Variants in TCF4 observed in about 807,000 individuals in gnomAD.
TCF4 encodes the protein transcription factor 4.
A neutral mutation model predicts 82.1 loss-of-function variants in TCF4; 3 were observed. That is an observed-to-expected ratio of 0.04 (90% confidence interval 0.02 to 0.09). The LOEUF (loss-of-function observed/expected upper bound fraction) is 0.09, where lower values mean the gene tolerates loss of function less well. TCF4 is among the 10% of genes least tolerant of loss of function. TCF4 has a pLI of 1.00. For synonymous variants in TCF4, 276 were observed against 309.6 expected (o/e 0.89, Z 1.14); for missense variants, 518 against 852.7 (o/e 0.61, Z 4.89).
chr18:55,511,546 AAC>A (rs1432539640), intron 3 of TCF4, among the ~76,000 whole-genome samples: 1 of 152,138 alleles, frequency 6.6e-6, no homozygotes, highest in Non-Finnish European at 1.5e-5. Context: ...GTACTTTAAC[AAC>A]AGAGTTCTAA....
At chr18:55,237,053 G>A (rs772521524) in intron 15 of TCF4, among the ~76,000 whole-genome samples, 4 of 152,172 alleles carry the variant, frequency 2.6e-5, no homozygotes, top group Non-Finnish European at 5.9e-5. Context: ...ATCACATTGA[G>A]GTAAGTTCTC....
chr18:55,486,479 C>A (rs2096516744), intron 3 of TCF4, among the ~76,000 whole-genome samples: 1 of 152,144 alleles, frequency 6.6e-6, no homozygotes. Flanking sequence ...GTAATCCCAG[C>A]CACTCAGGAG....
chr18:55,426,547 C>A (rs2094991082), intron 5 of TCF4, among the ~76,000 whole-genome samples: 1 of 152,066 alleles, frequency 6.6e-6, no homozygotes, highest in Non-Finnish European at 1.5e-5. Context: ...CCTTTGCTGC[C>A]CATAGGCATC....
At chr18:55,628,742 C>A (rs1011862285) in intron 2 of TCF4, among the ~76,000 whole-genome samples, 1 of 152,118 alleles carries the variant, frequency 6.6e-6, no homozygotes, top group Non-Finnish European at 1.5e-5. Flanking sequence ...TAAAATATTT[C>A]GATCAATTTC....
At chr18:55,421,303 G>C (rs1199497452) in intron 5 of TCF4, among the ~76,000 whole-genome samples, 1 of 152,152 alleles carries the variant, frequency 6.6e-6, no homozygotes, top group African/African-American at 2.4e-5. Flanking sequence ...AACCCCAAGA[G>C]TTTAACAAGG....
intron 5 of TCF4, among the ~76,000 whole-genome samples, chr18:55,444,555 T>G (rs1244171727): frequency 1.3e-5 from 2 of 152,224 alleles, no homozygotes; most frequent in East Asian, 3.8e-4. Context: ...ACAATACTAG[T>G]TAGCTTCAGA....
Position 55,265,783 on chromosome 18 carries a change from A to C in TCF4, c.922+4048T>G, listed in dbSNP as rs1007920150. On this transcript the variant is annotated intron_variant, in intron 11 of 19. Coordinates refer to ENST00000354452, the MANE Select transcript of TCF4 (RefSeq NM_001083962.2). Reference sequence around the variant, plus strand: ...CATACTAACATGTCATTCGAAGTTAAAGTTCTAAGCCAGATTAATTCATGA... The same window carrying C: ...CATACTAACATGTCATTCGAAGTTACAGTTCTAAGCCAGATTAATTCATGA... The C allele has an allele frequency of 5.3e-5, 8 of 152,298 alleles. No homozygotes were observed. The East Asian group carries it at 1.5e-3, about 29-fold the overall frequency. 9.4% of individuals were successfully genotyped at this position (152,298 alleles called of 1,614,324 possible).
chr18:55,488,842 G>A (rs1283200711), intron 3 of TCF4, among the ~76,000 whole-genome samples: 3 of 152,212 alleles, frequency 2.0e-5, no homozygotes, highest in Non-Finnish European at 2.9e-5. Flanking sequence ...GTCAAAGGGA[G>A]AAAAGACTTT....
intron 5 of TCF4, among the ~76,000 whole-genome samples, chr18:55,416,973 T>C (rs964352499): frequency 8.5e-5 from 13 of 152,132 alleles, no homozygotes; most frequent in African/African-American, 3.1e-4. Flanking sequence ...AGGAGCCGAG[T>C]GCTCAAAGCA....
At chr18:55,399,622 G>A (rs972820529) in intron 6 of TCF4, among the ~76,000 whole-genome samples, 1 of 151,994 alleles carries the variant, frequency 6.6e-6, no homozygotes, top group Non-Finnish European at 1.5e-5. Context: ...TCCATGCCTT[G>A]AATAATCAAA....
intron 6 of TCF4, among the ~76,000 whole-genome samples, chr18:55,374,528 T>G (rs1264881145): frequency 1.3e-5 from 2 of 152,066 alleles, no homozygotes; most frequent in African/African-American, 2.4e-5. Context: ...AAAATGGATG[T>G]TTTCTAGGAT....
intron 5 of TCF4, among the ~76,000 whole-genome samples, chr18:55,409,889 C>G (rs2094271446): frequency 6.6e-6 from 1 of 152,142 alleles, no homozygotes; most frequent in South Asian, 2.1e-4. Flanking sequence ...AAAGCAGAAG[C>G]TGACATTATT....
At chr18:55,421,178 G>T (rs548623827) in intron 5 of TCF4, among the ~76,000 whole-genome samples, 2 of 152,100 alleles carry the variant, frequency 1.3e-5, no homozygotes, top group South Asian at 4.1e-4. Context: ...CTTTAGACAT[G>T]GACACACACA....
intron 8 of TCF4, among the ~76,000 whole-genome samples, chr18:55,335,516 G>T (rs982370893): frequency 3.3e-5 from 5 of 152,124 alleles, no homozygotes; most frequent in Admixed American, 1.3e-4. Flanking sequence ...GCATATAAAT[G>T]CAGGCATTCA....
chr18:55,326,114 C>T (rs932260633), intron 8 of TCF4, among the ~76,000 whole-genome samples: 1 of 152,078 alleles, frequency 6.6e-6, no homozygotes, highest in South Asian at 2.1e-4. Context: ...GCTACTAAGA[C>T]ACTGGAATCA....
At chr18:55,420,375 A>G (rs1427008752) in intron 5 of TCF4, among the ~76,000 whole-genome samples, 1 of 152,230 alleles carries the variant, frequency 6.6e-6, no homozygotes, top group Non-Finnish European at 1.5e-5. Flanking sequence ...ATTATGTGTA[A>G]AAACAATCTC....
At chr18:55,449,442 G>T (rs1307468304) in intron 5 of TCF4, among the ~76,000 whole-genome samples, 1 of 152,152 alleles carries the variant, frequency 6.6e-6, no homozygotes, top group Non-Finnish European at 1.5e-5. Flanking sequence ...CGGATATTAG[G>T]CTCATTTCCA....
chr18:55,529,178 A>AAAAAAC (rs1287841599), intron 3 of TCF4, among the ~76,000 whole-genome samples: 1 of 152,168 alleles, frequency 6.6e-6, no homozygotes, highest in Non-Finnish European at 1.5e-5. Context: ...GACTCGTCTC[A>AAAAAAC]AAAAACAAAA....
intron 8 of TCF4, chr18:55,322,430 A>G: frequency 1.0e-6 from 1 of 971,500 alleles, no homozygotes; most frequent in Non-Finnish European, 1.2e-6. Flanking sequence ...GGGAAGAAAA[A>G]AAAAAAAAAA....
Sources: allele counts gnomAD v4.1 joint callset (sites outside exome capture counted in the v4.1 genomes callset), GRCh38; gene constraint gnomAD v4.1.1; transcripts MANE v1.5; gene names NCBI Gene and HGNC (gene_info 2026-07-23, HGNC 2026-07-21).